The following SGCD variants were observed in gnomAD, a reference collection of about 807,000 sequenced individuals.
SGCD encodes delta-sarcoglycan.
A neutral mutation model predicts 36.6 loss-of-function variants in SGCD; 18 were observed. The observed-to-expected ratio is 0.49, with a 90% CI of 0.34 to 0.73. SGCD has a LOEUF of 0.73. Among genes scored for constraint, SGCD ranks in the 30% least tolerant of loss-of-function variants. SGCD has a pLI of 0.01. For synonymous variants in SGCD, 133 were observed against 130.6 expected (o/e 1.02, Z -0.12); for missense variants, 387 against 346.7 (o/e 1.12, Z -0.92).
At chr5:156,533,659 T>A (rs1254372863) in intron 4 of SGCD, among the ~76,000 whole-genome samples, 1 of 152,178 alleles carries the variant, frequency 6.6e-6, no homozygotes, top group Admixed American at 6.6e-5. Flanking sequence ...TTTTCTTAGG[T>A]TTTCCAATTG....
At chr5:156,559,781 C>G (rs1188516029) in intron 4 of SGCD, among the ~76,000 whole-genome samples, 1 of 152,180 alleles carries the variant, frequency 6.6e-6, no homozygotes, top group Non-Finnish European at 1.5e-5. Flanking sequence ...AATCTTTAGT[C>G]TGTTAGAAAA....
At chr5:156,163,887 G>A (rs1298410682) in intron 3 of SGCD, among the ~76,000 whole-genome samples, 1 of 151,080 alleles carries the variant, frequency 6.6e-6, no homozygotes, top group African/African-American at 2.5e-5. Flanking sequence ...GCCAGGCGTG[G>A]TGGCACGCGC....
the SGCD span, among the ~76,000 whole-genome samples, chr5:155,834,967 C>T: frequency 2.1e-5 from 3 of 143,366 alleles, no homozygotes; most frequent in African/African-American, 7.8e-5. Flanking sequence ...TCCTGAGTAG[C>T]TGGGATTAAA....
intron 1 of SGCD, among the ~76,000 whole-genome samples, chr5:156,027,275 T>C (rs539613512): frequency 2.0e-5 from 3 of 152,294 alleles, no homozygotes; most frequent in African/African-American, 7.2e-5. Flanking sequence ...TAAATCCAAG[T>C]TGGGCACCAA....
chr5:155,991,709 T>A (rs1204695676), intron 1 of SGCD, among the ~76,000 whole-genome samples: 1 of 152,234 alleles, frequency 6.6e-6, no homozygotes, highest in Non-Finnish European at 1.5e-5. Flanking sequence ...TACCTTCATT[T>A]CAACATTATC....
At chr5:155,750,634 C>A in the SGCD span, among the ~76,000 whole-genome samples, 1 of 152,176 alleles carries the variant, frequency 6.6e-6, no homozygotes, top group Non-Finnish European at 1.5e-5. Context: ...ATTTCTAAAA[C>A]ATGCCATGCT....
chr5:155,752,013 A>T, the SGCD span, among the ~76,000 whole-genome samples: 7 of 152,326 alleles, frequency 4.6e-5, no homozygotes, highest in Non-Finnish European at 1.0e-4. Flanking sequence ...TTATGATTAC[A>T]TGAGATAATA....
At chr5:156,728,035 C>G (rs1755864642) in intron 7 of SGCD, among the ~76,000 whole-genome samples, 1 of 152,208 alleles carries the variant, frequency 6.6e-6, no homozygotes, top group African/African-American at 2.4e-5. Flanking sequence ...CCCCACAATC[C>G]TGTGAGGTCA....
chr5:156,317,206 A>G (rs551963542), intron 3 of SGCD, among the ~76,000 whole-genome samples: 42 of 152,222 alleles, frequency 2.8e-4, no homozygotes, highest in Middle Eastern at 3.4e-3. Flanking sequence ...AATATCTGCT[A>G]ATATTTGAAG....
intron 7 of SGCD, among the ~76,000 whole-genome samples, chr5:156,745,617 C>A (rs1275216415): frequency 6.6e-6 from 1 of 152,016 alleles, no homozygotes; most frequent in Non-Finnish European, 1.5e-5. Flanking sequence ...CCAATGTAGA[C>A]CCACAGAGGC....
chr5:156,756,031 G>A (rs57399099), intron 7 of SGCD, among the ~76,000 whole-genome samples: 12,121 of 152,140 alleles, frequency 0.08, 779 homozygotes, highest in African/African-American at 0.17. Context: ...CCTACTCAGA[G>A]GCAGTGGCAA....
chr5:156,528,747 G>T (rs1158358428), intron 4 of SGCD, among the ~76,000 whole-genome samples: 1 of 152,150 alleles, frequency 6.6e-6, no homozygotes. Flanking sequence ...TATATGCCTT[G>T]ATTCATGCCA....
the SGCD span, among the ~76,000 whole-genome samples, chr5:155,864,717 C>G: frequency 1.3e-5 from 2 of 149,096 alleles, no homozygotes; most frequent in Non-Finnish European, 3.0e-5. Context: ...GAACAAGTCA[C>G]TGTAATCTCA....
the SGCD span, among the ~76,000 whole-genome samples, chr5:155,859,385 G>T: frequency 1.3e-5 from 2 of 151,968 alleles, no homozygotes; most frequent in African/African-American, 4.8e-5. Context: ...GCTTTCTTGA[G>T]GTATGATTTA....
chr5:156,548,548 G>C (rs895860155), intron 4 of SGCD, among the ~76,000 whole-genome samples: 1 of 152,210 alleles, frequency 6.6e-6, no homozygotes, highest in African/African-American at 2.4e-5. Flanking sequence ...CTTTGGTCTT[G>C]ATTCTAAACA....
chr5:156,417,083 A>T (rs911724551), intron 3 of SGCD, among the ~76,000 whole-genome samples: 12 of 152,152 alleles, frequency 7.9e-5, no homozygotes, highest in Non-Finnish European at 1.2e-4. Context: ...TGCTTTTTTT[A>T]AAAAAATCTC....
intron 3 of SGCD, among the ~76,000 whole-genome samples, chr5:156,218,078 A>G (rs1277758103): frequency 6.6e-6 from 1 of 152,116 alleles, no homozygotes; most frequent in East Asian, 1.9e-4. Context: ...GTTTGAGACC[A>G]GCCTGGCCAA....
At chr5:156,263,284 A>G (rs1765914590) in intron 3 of SGCD, among the ~76,000 whole-genome samples, 2 of 151,918 alleles carry the variant, frequency 1.3e-5, no homozygotes, top group South Asian at 2.1e-4. Context: ...TGTTCTGACT[A>G]TGGCCATTCT....
rs370592696 is a variant in SGCD, at chr5:155,942,282, C to A, written c.-282+71858C>A. ...TAGCATTTATCTATCATCTATGTATCTATGTATGTACGCATGTATGTATGT... is the reference window on the plus strand; with the variant it reads ...TAGCATTTATCTATCATCTATGTATATATGTATGTACGCATGTATGTATGT... On this transcript the variant is annotated intron_variant, in intron 1 of 9. Coordinates refer to the SGCD transcript ENST00000517913. Among the ~76,000 whole-genome samples the A allele has an allele frequency of 1.0e-3, 153 of 148,688 alleles. No homozygotes were observed. In the South Asian group the frequency reaches 0.018, roughly 18 times the overall value.
Sources: gnomAD v4.1 joint callset for allele counts (sites outside exome capture counted in the v4.1 genomes callset) on GRCh38, gnomAD v4.1.1 for gene constraint, MANE v1.5 for transcripts, NCBI Gene and HGNC (gene_info 2026-07-23, HGNC 2026-07-21) for gene names.